The following PCID2 variants were observed in gnomAD, a reference collection of about 807,000 sequenced individuals.
PCID2 encodes PCI domain containing 2, also known as PCI domain-containing protein 2.
Under a neutral mutation model 61.3 loss-of-function variants are expected in PCID2, and 41 were observed. The observed-to-expected ratio is 0.67, with a 90% confidence interval of 0.52 to 0.87. The LOEUF is 0.87. PCID2 is among the 40% of genes least tolerant of loss of function. The pLI is 0.00. For synonymous variants in PCID2, 187 were observed against 177.8 expected (o/e 1.05, Z -0.41); for missense variants, 392 against 493.4 (o/e 0.79, Z 1.95).
At position 113,179,054 on chromosome 13, in the gene PCID2, T is replaced by G; in HGVS notation, c.1022A>C (p.Asp341Ala). The G allele has an allele frequency of 6.2e-7, 1 of 1,613,794 alleles. No individual in the cohort carries two copies. The highest frequency in any genetic ancestry group is 8.5e-7 in the Non-Finnish European group (1 of 1,179,806). Residue 341 changes from aspartate (D) to alanine (A), a missense_variant, in exon 13 of 14, where the codon GAT (aspartate) becomes GCT (alanine). Transcript: ENST00000337344. The surrounding 1 kb of genome is among the most constrained non-coding windows in gnomAD (Gnocchi z 4.3). ...LLLKTHQLSL[D>A]AFLVALKFMQ... ...GAACTTCAAGGCAACCAGAAAAGCA[T>G]CCAGAGACAGCTGGTGTGTTTTCAG...
At chr13:113,171,597 T>C in the PCID2 span, 2 of 1,614,106 alleles carry the variant, frequency 1.2e-6, no homozygotes, top group East Asian at 4.5e-5. This position sits in a 1 kb window ranked among gnomAD's most constrained non-coding sequence, Gnocchi z 5.1. Flanking sequence ...ATTTCAGATT[T>C]TAACAGAACG....
Position 113,195,085 on chromosome 13 carries a change from C to T in PCID2, c.349G>A (p.Val117Met), listed in dbSNP as rs148403501. The T allele has an allele frequency of 5.0e-6, 8 of 1,609,564 alleles. No homozygotes were observed. Among genetic ancestry groups the T allele is most frequent in the Non-Finnish European group, 6.8e-6 (8 of 1,175,902 alleles). ...VMYAVALDLR[V>M]FANNADQQLV... ...ATTAAACTTACATTATTGGCAAACACTCGAAGGTCAAGCGCTACTGCATAC... is the reference window on the plus strand; with the variant it reads ...ATTAAACTTACATTATTGGCAAACATTCGAAGGTCAAGCGCTACTGCATAC... Residue 117 changes from valine (V) to methionine (M), a missense_variant, in exon 6 of 14, where the codon GTG becomes ATG. Around this residue, in one of 3 missense-constraint regions of PCID2, gnomAD observed 155 missense variants for 164.9 expected, o/e 0.94. Transcript: ENST00000337344.
Position 113,195,129 on chromosome 13 carries a change from C to G in PCID2, c.309-4G>C. ...TGCATACATGACAGGCAGAGCCCTGCAGGGCAAAAAAGTAAACAAGTGTGA... is the reference window on the plus strand; with the variant it reads ...TGCATACATGACAGGCAGAGCCCTGGAGGGCAAAAAAGTAAACAAGTGTGA... On this transcript the variant is annotated splice_region_variant and splice_polypyrimidine_tract_variant and intron_variant, in intron 5 of 13. Coordinates refer to ENST00000337344, the MANE Select transcript of PCID2 (RefSeq NM_001127202.4). 6.2e-7 allele frequency: 1 copy of G among 1,606,474 alleles called. No individual in the cohort carries two copies. Among genetic ancestry groups the G allele is most frequent in the Non-Finnish European group, 8.5e-7 (1 of 1,173,028 alleles).
At chr13:113,183,736 C>T in intron 9 of PCID2, 1 of 983,008 alleles carries the variant, frequency 1.0e-6, no homozygotes, top group Non-Finnish European at 1.2e-6. Context: ...GCCGTGACAG[C>T]CGATAAAAAT....
chr13:113,178,210 G>C lies in PCID2; in HGVS notation c.1188C>G (p.Ser396=). 1 of 1,612,910 alleles carries C rather than the reference G, an allele frequency of 6.2e-7. No individual in the cohort carries two copies. Among genetic ancestry groups the C allele is most frequent in the Middle Eastern group, 1.7e-4 (1 of 6,060 alleles). ...VSKQNPFPPL[S]TVC is the part of the protein sequence containing the mutation. The stretch of plus-strand genomic sequence containing the variant: ...GCTCCGTGTACTTTCAACACACCGT[G>C]GACAGGGGAGGAAATGGGTTCTGCT... Residue 396 remains serine, a synonymous_variant, in exon 14 of 14, where the codon TCC becomes TCG. Transcript: ENST00000337344.
chr13:113,208,457 C>T, intron 1 of PCID2, 142 bp downstream of exon 1: 2 of 1,523,924 alleles, frequency 1.3e-6, no homozygotes, highest in Non-Finnish European at 8.8e-7. Flanking sequence ...GTTCGGCTCG[C>T]GCGGCTGCCC....
chr13:113,183,826 CACGCCGTGCGAGGCTGT>C, intron 9 of PCID2: 2 of 985,310 alleles, frequency 2.0e-6, no homozygotes, highest in Non-Finnish European at 1.2e-6. Flanking sequence ...GTGGCAGCGA[CACGCCGTGCGAGGCTGT>C]TTAAACAGGA....
chr13:113,184,755 A>G (rs989410207), intron 8 of PCID2, among the ~76,000 whole-genome samples: 16 of 152,090 alleles, frequency 1.1e-4, no homozygotes, highest in African/African-American at 3.4e-4. Context: ...GCAGCCCTGC[A>G]GTGGGAAGCC....
Position 113,184,460 on chromosome 13 carries a change from G to T in PCID2, c.571C>A (p.Leu191Ile). The change falls in exon 9 of 14, where the codon CTA becomes ATA. Residue 191 changes from leucine (L) to isoleucine (I), a missense_variant. Around this residue, in one of 3 missense-constraint regions of PCID2, gnomAD observed 226 missense variants for 296.5 expected, o/e 0.76. Coordinates refer to ENST00000337344, the MANE Select transcript of PCID2 (RefSeq NM_001127202.4). ...KINKLHLCKPLIRAIDSSNLK... is the reference protein window; with the variant it reads ...KINKLHLCKPIIRAIDSSNLK... ...TTTGAGCTGTCAATTGCTCTAATTA[G>T]GGGTTTACATAAATGGAGTTTGTTG... is the stretch of plus-strand genomic sequence containing the variant. The T allele has an allele frequency of 6.3e-7, 1 of 1,587,850 alleles. No homozygotes were observed. Among genetic ancestry groups the T allele is most frequent in the Non-Finnish European group, 8.7e-7 (1 of 1,155,988 alleles).
intron 1 of PCID2, chr13:113,208,305 T>C: frequency 7.0e-7 from 1 of 1,431,066 alleles, no homozygotes; most frequent in South Asian, 1.5e-5. Flanking sequence ...CGGCCACACG[T>C]GCCAGCAAGT....
intron 13 of PCID2, 164 bp from the exon 14 acceptor site, chr13:113,178,451 T>C: frequency 1.8e-6 from 1 of 541,152 alleles, no homozygotes; most frequent in Non-Finnish European, 3.3e-6. Context: ...CAACCCTCTA[T>C]ATCCACGGTG....
At position 113,200,536 on chromosome 13, in the gene PCID2, A is replaced by C. The variant is rs2138915815; in HGVS notation, c.37-20T>G. ...GTACACCTGAAACATTTGAAAGGGA[A>C]ACCTAAGTAGAAAATAAAATATTCT... On this transcript the variant is annotated intron_variant, in intron 1 of 13. Coordinates refer to ENST00000337344, the MANE Select transcript of PCID2 (RefSeq NM_001127202.4). 1 of 1,504,300 alleles carries C rather than the reference A, an allele frequency of 6.6e-7. No individual in the cohort carries two copies. Among genetic ancestry groups the C allele is most frequent in the Non-Finnish European group, 9.3e-7 (1 of 1,080,152 alleles). The allele number at this position is 1,504,300 out of a possible 1,614,324, so 93.2% of individuals were successfully genotyped here.
chr13:113,174,163 G>A (rs964153433), downstream of PCID2, among the ~76,000 whole-genome samples: 15 of 151,752 alleles, frequency 9.9e-5, no homozygotes, highest in Non-Finnish European at 8.8e-5. Flanking sequence ...ACTTGAACCC[G>A]GGAGGCAGAG....
Position 113,178,155 on chromosome 13 carries a change from G to A in PCID2, c.*43C>T. 1 of 1,480,744 alleles carries A rather than the reference G, an allele frequency of 6.8e-7. No homozygotes were observed. Among genetic ancestry groups the A allele is most frequent in the Non-Finnish European group, 9.4e-7 (1 of 1,060,256 alleles). The allele number at this position is 1,480,744 out of a possible 1,614,324, so 91.7% of individuals were successfully genotyped here. On this transcript the variant is annotated 3_prime_UTR_variant, in exon 14 of 14. Coordinates refer to ENST00000337344, the MANE Select transcript of PCID2 (RefSeq NM_001127202.4). The stretch of plus-strand genomic sequence containing the variant: ...CGGTCTCATCAGCACAACCAAAGTG[G>A]AAAGAAACAACTGCTCACCCGTCCT...
chr13:113,176,447 C>A (rs1435531423), downstream of PCID2, among the ~76,000 whole-genome samples: 3 of 152,300 alleles, frequency 2.0e-5, 1 homozygote, highest in Non-Finnish European at 4.4e-5. Context: ...GAGGTCCTAA[C>A]CCAACAGAAC....
At chr13:113,175,830 A>G (rs1297367217), downstream of PCID2, among the ~76,000 whole-genome samples, 1 of 152,232 alleles carries the variant, frequency 6.6e-6, no homozygotes, top group Non-Finnish European at 1.5e-5. Context: ...AGCAGGGCAT[A>G]AAAGAGATCT....
At chr13:113,175,023 G>A (rs558233564), downstream of PCID2, among the ~76,000 whole-genome samples, 86 of 152,286 alleles carry the variant, frequency 5.6e-4, no homozygotes, top group Non-Finnish European at 1.0e-3. Flanking sequence ...CGCTGTTCTC[G>A]TGACAGTGAG....
At chr13:113,171,968 G>A in the PCID2 span, 1 of 1,613,428 alleles carries the variant, frequency 6.2e-7, no homozygotes, top group African/African-American at 1.3e-5. This position sits in a 1 kb window ranked among gnomAD's most constrained non-coding sequence, Gnocchi z 5.1. Flanking sequence ...GGATGGAAGT[G>A]TGGTCACCAG....
intron 1 of PCID2, among the ~76,000 whole-genome samples, chr13:113,206,327 T>C (rs965531089): frequency 6.6e-6 from 1 of 152,212 alleles, no homozygotes; most frequent in African/African-American, 2.4e-5. Context: ...TTAAAGTCTA[T>C]GGTCTCTTTG....
Sources: gnomAD v4.1 joint callset for allele counts (sites outside exome capture counted in the v4.1 genomes callset) on GRCh38, gnomAD v4.1.1 for gene constraint, gnomAD v4.1.1 regional missense constraint, Gnocchi (gnomAD v3.1) non-coding constraint, MANE v1.5 for transcripts, NCBI Gene and HGNC (gene_info 2026-07-23, HGNC 2026-07-21) for gene names.